Variants in TMEM14A observed in about 807,000 individuals in gnomAD.
The protein encoded by TMEM14A is transmembrane protein 14A.
A neutral mutation model predicts 11.6 loss-of-function variants in TMEM14A; 8 were observed. That is an observed-to-expected ratio of 0.69 (90% CI 0.40 to 1.24). TMEM14A has a LOEUF of 1.24. Ranked by LOEUF, TMEM14A falls within the 50% of genes most tolerant of loss-of-function variation. The probability of loss-of-function intolerance (pLI) is 0.01; values close to 1 mark genes in which losing one functional copy is unlikely to be tolerated. For missense variants in TMEM14A, 108 were observed against 121.9 expected (o/e 0.89, Z 0.54); for synonymous variants, 34 against 45.5 (o/e 0.75, Z 1.02).
chr6:52,679,797 TGATC>T (rs1170280719), intron 2 of TMEM14A, among the ~76,000 whole-genome samples: 41 of 150,734 alleles, frequency 2.7e-4, no homozygotes, highest in African/African-American at 9.8e-4. Context: ...GTTTGCTGTC[TGATC>T]TCATCAAGAC....
At chr6:52,676,999 C>T (rs896874353) in intron 1 of TMEM14A, 88 bp from the exon 2 acceptor site, 2 of 1,272,620 alleles carry the variant, frequency 1.6e-6, no homozygotes, top group African/African-American at 1.5e-5. Context: ...GACACACAGC[C>T]AAACCATATA....
chr6:52,684,623 C>T (rs1769460189), intron 4 of TMEM14A, among the ~76,000 whole-genome samples: 4 of 152,164 alleles, frequency 2.6e-5, no homozygotes, highest in African/African-American at 9.7e-5. Flanking sequence ...AAAAGATAAA[C>T]AGAGGGCCTC....
chr6:52,674,743 A>T (rs1769223551), intron 1 of TMEM14A, among the ~76,000 whole-genome samples: 1 of 151,956 alleles, frequency 6.6e-6, no homozygotes, highest in Non-Finnish European at 1.5e-5. Flanking sequence ...TCCTGTTTTA[A>T]TTCTCCTTCC....
intron 1 of TMEM14A, among the ~76,000 whole-genome samples, chr6:52,676,357 A>G (rs552245401): frequency 5.3e-5 from 8 of 152,284 alleles, no homozygotes; most frequent in Non-Finnish European, 1.0e-4. Context: ...GGCTCAAGCA[A>G]TCCTCCCAAC....
intron 2 of TMEM14A, among the ~76,000 whole-genome samples, chr6:52,681,195 G>A (rs1459918700): frequency 6.6e-6 from 1 of 152,020 alleles, no homozygotes; most frequent in East Asian, 1.9e-4. Context: ...ATGTGGGTTG[G>A]GGGCTGGGAG....
chr6:52,685,406 C>T (rs1286821271), intron 4 of TMEM14A, among the ~76,000 whole-genome samples: 1 of 151,990 alleles, frequency 6.6e-6, no homozygotes, highest in Non-Finnish European at 1.5e-5. Context: ...CCAGCCTAGC[C>T]AACATGGCAA....
chr6:52,685,399 G>C (rs1447877319), intron 4 of TMEM14A, among the ~76,000 whole-genome samples: 1 of 152,082 alleles, frequency 6.6e-6, no homozygotes, highest in African/African-American at 2.4e-5. Context: ...TTCAAGACCA[G>C]CCTAGCCAAC....
intron 1 of TMEM14A, among the ~76,000 whole-genome samples, chr6:52,676,709 C>T (rs1425514496): frequency 6.6e-6 from 1 of 152,102 alleles, no homozygotes; most frequent in Non-Finnish European, 1.5e-5. Context: ...GCAGGCTGTA[C>T]AGGAGGCGTG....
chr6:52,680,655 G>GTATATATATATT (rs1561875017), intron 2 of TMEM14A, among the ~76,000 whole-genome samples: 2 of 8,848 alleles, frequency 2.3e-4, no homozygotes, highest in Non-Finnish European at 2.2e-4. Flanking sequence ...ATATATGTGT[G>GTATATATATATT]TGTATATATA....
intron 1 of TMEM14A, among the ~76,000 whole-genome samples, chr6:52,672,932 G>A (rs1394978555): frequency 6.6e-6 from 1 of 152,146 alleles, no homozygotes; most frequent in Non-Finnish European, 1.5e-5. Flanking sequence ...ATCCTTCATT[G>A]CCCTTAGGAC....
intron 4 of TMEM14A, among the ~76,000 whole-genome samples, chr6:52,685,771 A>T (rs1769481702): frequency 6.6e-6 from 1 of 152,116 alleles, no homozygotes; most frequent in Non-Finnish European, 1.5e-5. Context: ...TTCTCTTATA[A>T]ACCCTCATCC....
intron 2 of TMEM14A, among the ~76,000 whole-genome samples, chr6:52,678,319 ATGTGTGTGTTTG>A (rs70977372): frequency 0.048 from 6,433 of 133,724 alleles, 184 homozygotes; most frequent in Non-Finnish European, 0.058. Flanking sequence ...GAGTGTGTGT[ATGTGTGTGTTTG>A]TGTGTGTGTG....
At chr6:52,677,273 C>G in intron 2 of TMEM14A, 101 bp downstream of exon 2, 1 of 1,288,336 alleles carries the variant, frequency 7.8e-7, no homozygotes, top group Non-Finnish European at 1.1e-6. Context: ...GCTAAAGATG[C>G]CTTAGAGGTG....
Position 52,680,704 on chromosome 6 carries a change from T to TATATATATATATATATATATAC in TMEM14A, c.71-1108_71-1107insTATATATATATATATATATACA, listed in dbSNP as rs371102796. Among the ~76,000 whole-genome samples, 272 of 51,074 alleles carry TATATATATATATATATATATAC rather than the reference T, an allele frequency of 5.3e-3. 11 individuals are homozygous for TATATATATATATATATATATAC. Among genetic ancestry groups the TATATATATATATATATATATAC allele is most frequent in the African/African-American group, 0.015 (259 of 17,464 alleles). 33.5% of individuals were successfully genotyped at this position (51,074 alleles called of 152,430 possible). On this transcript the variant is annotated intron_variant, in intron 2 of 4. Transcript: ENST00000211314. ...ATATACATATATGTATATATATATATACACATATATATATGGCATGGATGA... is the reference window on the plus strand; with the variant it reads ...ATATACATATATGTATATATATATATATATATATATATATATATATACACACATATATATATGGCATGGATGA...
intron 3 of TMEM14A, among the ~76,000 whole-genome samples, chr6:52,683,232 G>T (rs936242625): frequency 6.6e-6 from 1 of 152,088 alleles, no homozygotes; most frequent in Admixed American, 6.5e-5. Context: ...GGCTGAGGCC[G>T]GTGGATCACT....
At chr6:52,673,550 G>T (rs1171635525) in intron 1 of TMEM14A, among the ~76,000 whole-genome samples, 2 of 152,100 alleles carry the variant, frequency 1.3e-5, no homozygotes, top group Admixed American at 1.3e-4. Context: ...GTTAATAGGG[G>T]TTTGGCACAA....
At chr6:52,685,982 C>T (rs1769485920) in intron 4 of TMEM14A, 28 bp from the exon 5 acceptor site, 1 of 1,608,566 alleles carries the variant, frequency 6.2e-7, no homozygotes, top group African/African-American at 1.3e-5. Context: ...GTGACTCTCC[C>T]TTTGTCTTTG....
chr6:52,681,319 G>A (rs1298824424), intron 2 of TMEM14A, among the ~76,000 whole-genome samples: 1 of 152,076 alleles, frequency 6.6e-6, no homozygotes, highest in Non-Finnish European at 1.5e-5. Flanking sequence ...ACATCTTGAG[G>A]CATGAAGGTT....
At chr6:52,678,643 G>C (rs1332959829) in intron 2 of TMEM14A, among the ~76,000 whole-genome samples, 1 of 152,102 alleles carries the variant, frequency 6.6e-6, no homozygotes, top group Non-Finnish European at 1.5e-5. Flanking sequence ...CAGTCTTGAC[G>C]CTGCCACTTA....
Sources: gnomAD v4.1 joint callset for allele counts (sites outside exome capture counted in the v4.1 genomes callset) on GRCh38, gnomAD v4.1.1 for gene constraint, MANE v1.5 for transcripts, NCBI Gene and HGNC (gene_info 2026-07-23, HGNC 2026-07-21) for gene names.